KRT7: variants seen among roughly 807,000 people sequenced by gnomAD.
The protein encoded by KRT7 is keratin, type II cytoskeletal 7.
In KRT7, 50 loss-of-function variants were observed where a neutral mutation model predicts 42.8. The ratio of observed to expected loss-of-function variants is 1.17; its 90% CI spans 0.93 to 1.48. The LOEUF (loss-of-function observed/expected upper bound fraction) is 1.48. KRT7 is among the 40% of genes most tolerant of loss of function. The probability of loss-of-function intolerance (pLI) is 0.00; values close to 1 mark genes in which losing one functional copy is unlikely to be tolerated. For synonymous variants in KRT7, 268 were observed against 266.3 expected, an observed-to-expected ratio of 1.01 and a Z score of -0.06; for missense variants, 588 against 637.6, an observed-to-expected ratio of 0.92 and a Z score of 0.84.
Position 52,234,187 on chromosome 12 carries a change from G to A in KRT7, c.324+567G>A, listed in dbSNP as rs1325794664. Among the ~76,000 whole-genome samples the A allele has an allele frequency of 4.6e-5, 7 of 151,302 alleles. 1 individual carries two copies. The highest frequency in any genetic ancestry group is 1.2e-4 in the African/African-American group (5 of 41,224). On this transcript the variant is annotated intron_variant, in intron 1 of 8. Transcript: ENST00000331817. ...TGCCTGGTCCTCCAGCCTCCCTTAG[G>A]TGGCAGGAGGAGAGGTTATACCTGC...
chr12:52,244,282 C>T lies in KRT7; in HGVS notation c.985-1130C>T, dbSNP rs57963153. ...GTCACCCCATGAAGTGGGCCAGCTT[C>T]CAGGCCAGGAGGGGAAGCACAGAAT... On this transcript the variant is annotated intron_variant, in intron 6 of 8. Transcript: ENST00000331817. 5,081 of 978,588 alleles carry T rather than the reference C, an allele frequency of 5.2e-3. 16 individuals carry two copies. The highest frequency in any genetic ancestry group is 5.7e-3 in the Non-Finnish European group (4,688 of 823,662). The allele number at this position is 978,588 out of a possible 1,614,324, so 60.6% of individuals were successfully genotyped here. A position where few individuals can be genotyped will look rare whatever the true frequency, so the allele number is the denominator to read the frequency against.
chr12:52,245,504 C>T lies in KRT7; in HGVS notation c.1077C>T (p.Ala359=), dbSNP rs138875857. 6.3e-5 allele frequency: 102 copies of T among 1,613,830 alleles called. No homozygotes were observed. The highest frequency in any genetic ancestry group is 8.0e-5 in the Non-Finnish European group (94 of 1,179,876). The change falls in exon 7 of 9, where the codon GCC becomes GCT. Residue 359 remains alanine (A), a synonymous_variant. Coordinates refer to ENST00000331817, the MANE Select transcript of KRT7 (RefSeq NM_005556.4). ...DARAKQEELE[A]ALQRGKQDMA... ...GTGCCAAGCAGGAGGAGCTGGAAGC[C>T]GCCCTGCAGCGGGGCAAGCAGGATA...
At position 52,241,711 on chromosome 12, in the gene KRT7, T is replaced by G. The variant is rs538531113; in HGVS notation, c.858+75T>G. 52 of 1,371,300 alleles carry G rather than the reference T, an allele frequency of 3.8e-5. No homozygotes were observed. The South Asian group carries it at 7.0e-4, about 19-fold the overall frequency. 84.9% of individuals were successfully genotyped at this position (1,371,300 alleles called of 1,614,324 possible). A position where few individuals can be genotyped will look rare whatever the true frequency, so the allele number is the denominator to read the frequency against. Reference sequence around the variant, plus strand: ...AGCTTCCCTTACTCCTCAACTTGTCTCAAGCCTTCAGGGCCTGGGTCCCAC... The same window carrying G: ...AGCTTCCCTTACTCCTCAACTTGTCGCAAGCCTTCAGGGCCTGGGTCCCAC... On this transcript the variant is annotated intron_variant, in intron 5 of 8. Coordinates refer to ENST00000331817, the MANE Select transcript of KRT7 (RefSeq NM_005556.4).
chr12:52,252,012 A>C, downstream of KRT7: 1 of 683,422 alleles, frequency 1.5e-6, no homozygotes, highest in Non-Finnish European at 2.7e-6. Flanking sequence ...AGGACCCACA[A>C]AATGGATTAC....
At chr12:52,240,246 T>G (rs532048225) in intron 4 of KRT7, among the ~76,000 whole-genome samples, 3 of 152,360 alleles carry the variant, frequency 2.0e-5, no homozygotes, top group African/African-American at 7.2e-5. Context: ...TAAACACACC[T>G]GTGTGTATAT....
intron 1 of KRT7, 100 bp downstream of exon 1, chr12:52,233,720 A>G (rs1941959575): frequency 8.6e-7 from 1 of 1,157,768 alleles, no homozygotes; most frequent in Non-Finnish European, 1.3e-6. Flanking sequence ...GCTGGGGAGC[A>G]CTGCCGCCCT....
At chr12:52,249,158 G>C (rs1942225149), downstream of KRT7, 1 of 158,164 alleles carries the variant, frequency 6.3e-6, no homozygotes, top group African/African-American at 2.4e-5. Context: ...GGGAAATGCA[G>C]GCTCTGCCAG....
At chr12:52,236,668 C>T (rs910378785) in intron 2 of KRT7, among the ~76,000 whole-genome samples, 11 of 152,204 alleles carry the variant, frequency 7.2e-5, no homozygotes, top group Non-Finnish European at 1.3e-4. Flanking sequence ...GCTTGGCCTA[C>T]CTGGATGTCC....
intron 5 of KRT7, chr12:52,241,873 A>C (rs955300499): frequency 6.1e-6 from 2 of 326,936 alleles, no homozygotes; most frequent in Admixed American, 9.5e-5. Flanking sequence ...CTTACACAGT[A>C]CTAGGCTCAT....
chr12:52,235,049 A>T, intron 1 of KRT7, 106 bp from the exon 2 acceptor site: 1 of 1,044,602 alleles, frequency 9.6e-7, no homozygotes, highest in Admixed American at 2.0e-5. Flanking sequence ...GGAAACAGCC[A>T]GGGGGAGCAT....
downstream of KRT7, chr12:52,255,484 C>T (rs557121339): frequency 3.1e-5 from 14 of 453,284 alleles, no homozygotes; most frequent in South Asian, 2.0e-4. Context: ...CAAACACATT[C>T]CGGGAACTGG....
At chr12:52,251,249 G>T (rs946849816), downstream of KRT7, among the ~76,000 whole-genome samples, 1 of 152,172 alleles carries the variant, frequency 6.6e-6, no homozygotes, top group African/African-American at 2.4e-5. Context: ...CAAAGTGCTG[G>T]GATTACAGGT....
chr12:52,241,708 G>A, intron 5 of KRT7, 72 bp downstream of exon 5: 1 of 1,389,278 alleles, frequency 7.2e-7, no homozygotes, highest in Non-Finnish European at 9.9e-7. Flanking sequence ...TCCTCAACTT[G>A]TCTCAAGCCT....
chr12:52,234,910 G>A (rs1473804151), intron 1 of KRT7, among the ~76,000 whole-genome samples: 1 of 152,198 alleles, frequency 6.6e-6, no homozygotes, highest in Non-Finnish European at 1.5e-5. Flanking sequence ...TGGAGAGGAG[G>A]CCCTGGAGCA....
chr12:52,242,974 C>T (rs1845288546), intron 5 of KRT7, 38 bp from the exon 6 acceptor site: 1 of 1,585,066 alleles, frequency 6.3e-7, no homozygotes, highest in South Asian at 1.2e-5. Context: ...TACTCACTGC[C>T]CATCTCTCTG....
At chr12:52,251,984 A>G (rs2121128735), downstream of KRT7, 1 of 635,198 alleles carries the variant, frequency 1.6e-6, no homozygotes, top group East Asian at 3.3e-5. Flanking sequence ...CCTGCCCAGA[A>G]CCCCAAGCTG....
chr12:52,255,261 G>A, downstream of KRT7: 2 of 441,104 alleles, frequency 4.5e-6, no homozygotes, highest in Non-Finnish European at 4.6e-6. Context: ...TGTTAGTCAA[G>A]GTCTCCCAGC....
At chr12:52,234,132 G>GA (rs1348367971) in intron 1 of KRT7, among the ~76,000 whole-genome samples, 1 of 149,490 alleles carries the variant, frequency 6.7e-6, no homozygotes, top group African/African-American at 2.5e-5. Flanking sequence ...GGGGGAGGGG[G>GA]GGGGGCTCCC....
intron 3 of KRT7, among the ~76,000 whole-genome samples, chr12:52,238,010 GGTCTT>G (rs1420213701): frequency 6.6e-6 from 1 of 152,166 alleles, no homozygotes; most frequent in Non-Finnish European, 1.5e-5. Flanking sequence ...GTATCTTAGG[GGTCTT>G]GTCTACATGC....
Sources: gnomAD v4.1 joint callset for allele counts (sites outside exome capture counted in the v4.1 genomes callset) on GRCh38, gnomAD v4.1.1 for gene constraint, MANE v1.5 for transcripts, NCBI Gene and HGNC (gene_info 2026-07-23, HGNC 2026-07-21) for gene names.